The following FOCAD variants were observed in gnomAD, a reference collection of about 807,000 sequenced individuals.
The protein encoded by FOCAD is focadhesin.
In FOCAD, 198 loss-of-function variants were observed where a neutral mutation model predicts 225.6. The observed-to-expected ratio is 0.88, with a 90% CI of 0.78 to 0.99. The LOEUF is 0.99. FOCAD is among the 50% of genes least tolerant of loss of function. The probability of loss-of-function intolerance (pLI) is 0.00; values close to 1 mark genes in which losing one functional copy is unlikely to be tolerated. For missense variants in FOCAD, 2,713 were observed against 2,123.6 expected, an observed-to-expected ratio of 1.28 and a Z score of -5.46; for synonymous variants, 897 against 755.0, an observed-to-expected ratio of 1.19 and a Z score of -3.08.
Position 20,988,438 on chromosome 9 carries a change from T to G in FOCAD, c.5004+9T>G, listed in dbSNP as rs1383315551. On this transcript the variant is annotated intron_variant, in intron 41 of 43. Coordinates refer to ENST00000338382, the MANE Select transcript of FOCAD (RefSeq NM_001375567.1). The stretch of plus-strand genomic sequence containing the variant: ...ATACGGCTCTTGACAAGGTAAAATC[T>G]AGAGGAGTAGTTTATAGCTTCCTTA... 6.8e-7 allele frequency: 1 copy of G among 1,478,826 alleles called. No homozygotes were observed. The highest frequency in any genetic ancestry group is 2.3e-5 in the East Asian group (1 of 43,502). The allele number at this position is 1,478,826 out of a possible 1,614,324, so 91.6% of individuals were successfully genotyped here. A position where few individuals can be genotyped will look rare whatever the true frequency, so the allele number is the denominator to read the frequency against.
intron 2 of FOCAD, among the ~76,000 whole-genome samples, chr9:20,666,656 C>A (rs111557158): frequency 2.0e-5 from 3 of 152,096 alleles, no homozygotes; most frequent in African/African-American, 7.2e-5. Flanking sequence ...AGCTTCTATA[C>A]GGATTTATTA....
intron 11 of FOCAD, among the ~76,000 whole-genome samples, chr9:20,798,428 G>A (rs1821383067): frequency 6.6e-6 from 1 of 152,136 alleles, no homozygotes; most frequent in African/African-American, 2.4e-5. Context: ...AATGGTACTA[G>A]CTCCTCCTTG....
At chr9:20,810,756 C>G (rs1435712995) in intron 11 of FOCAD, among the ~76,000 whole-genome samples, 2 of 152,032 alleles carry the variant, frequency 1.3e-5, no homozygotes, top group Non-Finnish European at 2.9e-5. Flanking sequence ...GCTAATGAGA[C>G]TCACCTGGAA....
intron 15 of FOCAD, among the ~76,000 whole-genome samples, chr9:20,829,376 C>G (rs996880383): frequency 2.0e-5 from 3 of 151,876 alleles, no homozygotes; most frequent in Admixed American, 6.6e-5. Flanking sequence ...TTGCATTTCT[C>G]TGATGATCAG....
chr9:20,881,038 C>A (rs1830626456), intron 19 of FOCAD, among the ~76,000 whole-genome samples: 1 of 152,054 alleles, frequency 6.6e-6, no homozygotes, highest in African/African-American at 2.4e-5. Flanking sequence ...TGATAAAGAT[C>A]TTGGGCTTAA....
At chr9:20,978,602 T>A (rs1840414200) in intron 37 of FOCAD, 148 bp downstream of exon 37, 1 of 484,906 alleles carries the variant, frequency 2.1e-6, no homozygotes, top group South Asian at 4.3e-5. Flanking sequence ...CTGGCCTGCA[T>A]ATTGGAAAAT....
chr9:20,889,616 G>A (rs971947116), intron 21 of FOCAD, among the ~76,000 whole-genome samples: 6 of 152,198 alleles, frequency 3.9e-5, no homozygotes, highest in South Asian at 4.1e-4. Context: ...TGCTTTCACC[G>A]CAATGACATA....
intron 15 of FOCAD, among the ~76,000 whole-genome samples, chr9:20,835,106 A>G (rs1587350356): frequency 3.1e-5 from 3 of 95,578 alleles, no homozygotes; most frequent in East Asian, 5.5e-4. Flanking sequence ...CTGTATTTAC[A>G]TACTTGTCAG....
At position 20,727,208 on chromosome 9, in the gene FOCAD, G is replaced by T. The variant is rs532067993; in HGVS notation, c.287+6674G>T. 2.0e-5 allele frequency among the ~76,000 whole-genome samples: 3 copies of T among 152,000 alleles called. No homozygotes were observed. The East Asian group carries it at 5.8e-4, about 29-fold the overall frequency. ...TTTTTTTTCCCCCTTGAAAATCCCA[G>T]AATTTCTCTCAACTTTCAGTTCCTA... On this transcript the variant is annotated intron_variant, in intron 4 of 43. Coordinates refer to ENST00000338382, the MANE Select transcript of FOCAD (RefSeq NM_001375567.1).
At chr9:20,713,528 T>C (rs1018623884) in intron 1 of FOCAD, among the ~76,000 whole-genome samples, 1 of 152,218 alleles carries the variant, frequency 6.6e-6, no homozygotes, top group Non-Finnish European at 1.5e-5. Context: ...TTTTTTTTAA[T>C]TAGCACTTAC....
At position 20,840,224 on chromosome 9, in the gene FOCAD, C is replaced by G. The variant is rs143055583; in HGVS notation, c.1920+17109C>G. ...GTCTTTGTTATTTTGATAGGGATTG[C>G]AATAAATTTATAGATTTCTTTAAAT... On this transcript the variant is annotated intron_variant, in intron 15 of 43. Transcript: ENST00000338382. 2.6e-3 allele frequency among the ~76,000 whole-genome samples: 401 copies of G among 152,088 alleles called. 13 individuals carry two copies. The South Asian group carries it at 0.046, about 17-fold the overall frequency.
chr9:20,766,533 A>G (rs560777223), intron 7 of FOCAD, among the ~76,000 whole-genome samples: 1 of 152,174 alleles, frequency 6.6e-6, no homozygotes, highest in East Asian at 1.9e-4. Context: ...CATTTTTCTC[A>G]TTCATTCATT....
At chr9:20,958,891 A>C (rs552200279) in intron 35 of FOCAD, among the ~76,000 whole-genome samples, 3 of 152,160 alleles carry the variant, frequency 2.0e-5, no homozygotes, top group African/African-American at 7.2e-5. Context: ...AGGGCTTAAT[A>C]GTATTCCATT....
In FOCAD at chr9:20,971,088, T is replaced by A. The variant is rs548844073; in HGVS notation, c.4133-5332T>A. Among the ~76,000 whole-genome samples, 33 of 152,286 alleles carry A rather than the reference T, an allele frequency of 2.2e-4. 2 individuals carry two copies. In the South Asian group the frequency reaches 6.6e-3, roughly 31 times the overall value. On this transcript the variant is annotated intron_variant, in intron 35 of 43. Coordinates refer to ENST00000338382, the MANE Select transcript of FOCAD (RefSeq NM_001375567.1). ...AAAGTTTGTCTGTCTTCTTTCTCTC[T>A]GAAGGCTCTGTTCTTTTAGCCAGTG...
intron 30 of FOCAD, among the ~76,000 whole-genome samples, chr9:20,947,830 A>G (rs948223497): frequency 6.6e-6 from 1 of 152,146 alleles, no homozygotes; most frequent in Non-Finnish European, 1.5e-5. Flanking sequence ...TTTTATGGTT[A>G]TATACCCGCT....
At chr9:20,939,691 CTTT>C (rs1393634973) in intron 28 of FOCAD, among the ~76,000 whole-genome samples, 2 of 149,162 alleles carry the variant, frequency 1.3e-5, no homozygotes, top group African/African-American at 4.9e-5. Flanking sequence ...TTCTTACCTT[CTTT>C]TATTTTATTT....
chr9:20,699,072 A>G lies in FOCAD; in HGVS notation c.-33+14779A>G, dbSNP rs577851116. 1.2e-4 allele frequency among the ~76,000 whole-genome samples: 19 copies of G among 152,220 alleles called. 1 individual carries two copies. The South Asian group carries it at 3.5e-3, about 28-fold the overall frequency. On this transcript the variant is annotated intron_variant, in intron 1 of 43. Transcript: ENST00000338382. ...CAGCTTCATGGTGCTAAAGTTCCCT[A>G]TGAAATTAGGTATGGTAGGTGGGAC...
chr9:20,950,992 G>A lies in FOCAD; in HGVS notation c.3949-4G>A, dbSNP rs778897085. Reference sequence around the variant, plus strand: ...TCATTGAACTGTTACCTTTTTATTTGTAGGTCATTAGTGTCTCTGGGGTGA... The same window carrying A: ...TCATTGAACTGTTACCTTTTTATTTATAGGTCATTAGTGTCTCTGGGGTGA... On this transcript the variant is annotated splice_polypyrimidine_tract_variant and splice_region_variant and intron_variant, in intron 33 of 43. Transcript: ENST00000338382. The A allele has an allele frequency of 1.8e-5, 29 of 1,610,832 alleles. No individual in the cohort carries two copies. The South Asian group carries it at 3.0e-4, about 16-fold the overall frequency.
At chr9:20,724,333 T>G (rs1586946681) in intron 4 of FOCAD, among the ~76,000 whole-genome samples, 1 of 152,224 alleles carries the variant, frequency 6.6e-6, no homozygotes, top group East Asian at 1.9e-4. Context: ...GTCCTTAATC[T>G]TATACATATA....
Sources: allele counts gnomAD v4.1 joint callset (sites outside exome capture counted in the v4.1 genomes callset), GRCh38; gene constraint gnomAD v4.1.1; transcripts MANE v1.5; gene names NCBI Gene and HGNC (gene_info 2026-07-23, HGNC 2026-07-21).